Variants in CNTLN observed in about 807,000 individuals in gnomAD.
The protein encoded by CNTLN is centlein, also known as centlein, centrosomal protein.
Under a neutral mutation model 180.0 loss-of-function variants are expected in CNTLN, and 212 were observed. The ratio of observed to expected loss-of-function variants is 1.18; its 90% CI spans 1.05 to 1.32. The LOEUF is 1.32. Ranked by LOEUF, CNTLN falls within the 40% of genes most tolerant of loss-of-function variation. CNTLN has a pLI of 0.00. For synonymous variants in CNTLN, 722 were observed against 563.1 expected (o/e 1.28, Z -3.99); for missense variants, 2,095 against 1,610.9 (o/e 1.30, Z -5.14).
intron 2 of CNTLN, among the ~76,000 whole-genome samples, chr9:17,180,900 C>T (rs1391827671): frequency 2.0e-5 from 3 of 152,004 alleles, no homozygotes; most frequent in Non-Finnish European, 4.4e-5. Context: ...TGGTGGTTTC[C>T]AGCAAGAAAT....
At chr9:17,154,439 A>G (rs1819115216) in intron 2 of CNTLN, among the ~76,000 whole-genome samples, 1 of 152,112 alleles carries the variant, frequency 6.6e-6, no homozygotes, top group Admixed American at 6.5e-5. Context: ...TCCACTCCTG[A>G]CCCTGTTTGC....
intron 1 of CNTLN, among the ~76,000 whole-genome samples, chr9:17,140,540 A>G (rs1281770918): frequency 6.6e-6 from 1 of 152,140 alleles, no homozygotes; most frequent in African/African-American, 2.4e-5. Flanking sequence ...TCCCGGGCTC[A>G]GCAATCGTCC....
chr9:17,291,890 G>C (rs1829436362), intron 6 of CNTLN, among the ~76,000 whole-genome samples: 1 of 152,116 alleles, frequency 6.6e-6, no homozygotes, highest in Non-Finnish European at 1.5e-5. Flanking sequence ...TTGCTTTATA[G>C]TTTCATTGGT....
intron 18 of CNTLN, among the ~76,000 whole-genome samples, chr9:17,430,788 T>A (rs1829371939): frequency 6.6e-6 from 1 of 152,136 alleles, no homozygotes; most frequent in African/African-American, 2.4e-5. Context: ...TGCATGTGAG[T>A]GAGAATATGT....
the CNTLN span, among the ~76,000 whole-genome samples, chr9:17,510,903 T>G: frequency 6.6e-6 from 1 of 152,204 alleles, no homozygotes; most frequent in Non-Finnish European, 1.5e-5. Flanking sequence ...CAAATATGAT[T>G]GCTGGGTCAT....
At chr9:17,412,097 G>T (rs1827889842) in intron 16 of CNTLN, among the ~76,000 whole-genome samples, 1 of 151,662 alleles carries the variant, frequency 6.6e-6, no homozygotes, top group African/African-American at 2.4e-5. Context: ...AGCCATGATG[G>T]TATCAGCAGA....
At chr9:17,204,318 T>C (rs747544578) in intron 2 of CNTLN, among the ~76,000 whole-genome samples, 3 of 152,206 alleles carry the variant, frequency 2.0e-5, no homozygotes, top group Non-Finnish European at 4.4e-5. Context: ...ATTTTTGAGG[T>C]TGATGACCTT....
intron 23 of CNTLN, among the ~76,000 whole-genome samples, chr9:17,468,124 G>A (rs1159562956): frequency 6.6e-6 from 1 of 151,574 alleles, no homozygotes; most frequent in South Asian, 2.1e-4. Flanking sequence ...ATTATCCTAA[G>A]TGAACTAACA....
intron 5 of CNTLN, among the ~76,000 whole-genome samples, chr9:17,251,212 A>G (rs1312599712): frequency 3.9e-5 from 6 of 152,000 alleles, no homozygotes; most frequent in African/African-American, 1.4e-4. Context: ...GAGTTTGATT[A>G]TAATGTATCT....
rs144685563 is a variant in CNTLN at position 17,351,655 on chromosome 9, C to T, written c.1886+9211C>T. ...TTATTTCTTTCCATCCTCACTGTTA[C>T]GCCCTTATTCATACCACCACCATTT... On this transcript the variant is annotated intron_variant, in intron 12 of 25. Transcript: ENST00000380647. 7.2e-5 allele frequency among the ~76,000 whole-genome samples: 11 copies of T among 152,168 alleles called. No homozygotes were observed. In the East Asian group the frequency reaches 1.5e-3, roughly 21 times the overall value.
chr9:17,183,916 T>C (rs1821275363), intron 2 of CNTLN, among the ~76,000 whole-genome samples: 1 of 152,130 alleles, frequency 6.6e-6, no homozygotes, highest in Non-Finnish European at 1.5e-5. Context: ...ATAAGAAATG[T>C]ACCTACCCTG....
chr9:17,284,689 A>AT (rs1174633083), intron 6 of CNTLN, among the ~76,000 whole-genome samples: 2 of 151,398 alleles, frequency 1.3e-5, no homozygotes, highest in Non-Finnish European at 2.9e-5. Context: ...CATTTTATTA[A>AT]TTTTTTCAAC....
chr9:17,455,158 C>A (rs562746076), intron 18 of CNTLN, among the ~76,000 whole-genome samples: 1 of 152,070 alleles, frequency 6.6e-6, no homozygotes, highest in Admixed American at 6.6e-5. Context: ...AATAGAGCTC[C>A]AGTTATTTGT....
At chr9:17,264,150 T>A (rs79148828) in intron 5 of CNTLN, among the ~76,000 whole-genome samples, 1 of 143,424 alleles carries the variant, frequency 7.0e-6, no homozygotes, top group Non-Finnish European at 1.5e-5. Flanking sequence ...TTGCCTAGGT[T>A]TTCTTCTAGG....
intron 2 of CNTLN, among the ~76,000 whole-genome samples, chr9:17,148,286 T>C (rs1385631983): frequency 6.6e-6 from 1 of 152,234 alleles, no homozygotes; most frequent in Admixed American, 6.5e-5. Context: ...TTAACAGTAA[T>C]GTTCTGTAAA....
intron 18 of CNTLN, among the ~76,000 whole-genome samples, chr9:17,439,628 TTTTA>T (rs1431825776): frequency 6.6e-6 from 1 of 152,238 alleles, no homozygotes; most frequent in Non-Finnish European, 1.5e-5. Context: ...GAGCTAAACA[TTTTA>T]TTTAAGAATG....
chr9:17,191,901 T>G (rs1821812103), intron 2 of CNTLN, among the ~76,000 whole-genome samples: 1 of 152,190 alleles, frequency 6.6e-6, no homozygotes, highest in Non-Finnish European at 1.5e-5. Flanking sequence ...TTGGGTGTCT[T>G]GGCATCAATT....
chr9:17,296,993 AT>A (rs1260781014), intron 6 of CNTLN, among the ~76,000 whole-genome samples: 4 of 152,208 alleles, frequency 2.6e-5, no homozygotes, highest in African/African-American at 9.7e-5. Context: ...ATAGGTAAAA[AT>A]AAGTTCCATT....
intron 12 of CNTLN, among the ~76,000 whole-genome samples, chr9:17,364,610 C>T (rs1400202227): frequency 6.6e-6 from 1 of 152,114 alleles, no homozygotes; most frequent in East Asian, 1.9e-4. Context: ...TATTGTTTTA[C>T]ATTATCCCAT....
Sources: allele counts gnomAD v4.1 joint callset (sites outside exome capture counted in the v4.1 genomes callset), GRCh38; gene constraint gnomAD v4.1.1; transcripts MANE v1.5; gene names NCBI Gene and HGNC (gene_info 2026-07-23, HGNC 2026-07-21).